Variants in CAMTA1 observed in about 807,000 individuals in gnomAD.
The protein encoded by CAMTA1 is calmodulin-binding transcription activator 1.
Under a neutral mutation model 170.9 loss-of-function variants are expected in CAMTA1, and 27 were observed. The ratio of observed to expected loss-of-function variants is 0.16; its 90% confidence interval spans 0.12 to 0.22. The LOEUF (loss-of-function observed/expected upper bound fraction) is 0.22, where lower values mean the gene tolerates loss of function less well. Ranked by LOEUF, CAMTA1 falls within the 10% of genes least tolerant of loss-of-function variation. CAMTA1 has a pLI of 1.00. For missense variants in CAMTA1, 1,619 were observed against 2,217.2 expected (o/e 0.73, Z 5.42); for synonymous variants, 833 against 891.5 (o/e 0.93, Z 1.17).
intron 4 of CAMTA1, among the ~76,000 whole-genome samples, chr1:7,162,227 G>C (rs1573563172): frequency 6.6e-6 from 1 of 152,202 alleles, no homozygotes; most frequent in East Asian, 1.9e-4. Flanking sequence ...TATAGGTCAT[G>C]GTAGGGAGCT....
chr1:6,890,310 A>G (rs1674232442), intron 3 of CAMTA1, among the ~76,000 whole-genome samples: 1 of 152,194 alleles, frequency 6.6e-6, no homozygotes, highest in Non-Finnish European at 1.5e-5. Flanking sequence ...TTGATATAAG[A>G]AGGGATTACC....
chr1:6,990,667 T>C (rs1696203918), intron 3 of CAMTA1, among the ~76,000 whole-genome samples: 1 of 152,170 alleles, frequency 6.6e-6, no homozygotes, highest in South Asian at 2.1e-4. Context: ...TCTGGTCTCT[T>C]CTTAGTCAAT....
At chr1:6,801,509 A>T (rs1643833019) in intron 1 of CAMTA1, among the ~76,000 whole-genome samples, 2 of 152,162 alleles carry the variant, frequency 1.3e-5, no homozygotes, top group Admixed American at 1.3e-4. Context: ...GAGGGAACAT[A>T]AACACTTGTT....
intron 1 of CAMTA1, among the ~76,000 whole-genome samples, chr1:6,819,487 G>A (rs572738738): frequency 6.6e-6 from 1 of 152,100 alleles, no homozygotes; most frequent in Non-Finnish European, 1.5e-5. Context: ...CGGGTGTTGG[G>A]TTTATTGTTG....
intron 1 of CAMTA1, among the ~76,000 whole-genome samples, chr1:6,813,959 T>A (rs1570353654): frequency 6.6e-6 from 1 of 152,172 alleles, no homozygotes; most frequent in Admixed American, 6.5e-5. Context: ...ATTTTTCCTT[T>A]CCATAAACTT....
intron 3 of CAMTA1, among the ~76,000 whole-genome samples, chr1:6,989,876 T>C (rs886546897): frequency 1.3e-5 from 2 of 151,948 alleles, no homozygotes; most frequent in Non-Finnish European, 2.9e-5. Flanking sequence ...CCTTGGGGGG[T>C]GAGTCCTGGG....
At chr1:7,321,815 G>A (rs1678461947) in intron 5 of CAMTA1, among the ~76,000 whole-genome samples, 1 of 151,988 alleles carries the variant, frequency 6.6e-6, no homozygotes. Flanking sequence ...CCTCCTTCCT[G>A]GTAGCACATG....
intron 5 of CAMTA1, among the ~76,000 whole-genome samples, chr1:7,284,273 G>A (rs1381380353): frequency 1.3e-5 from 2 of 150,348 alleles, no homozygotes; most frequent in East Asian, 3.9e-4. Context: ...GCGTAATCTT[G>A]GCTCACTGCA....
intron 5 of CAMTA1, among the ~76,000 whole-genome samples, chr1:7,337,616 A>ATGTGGGCGGTGGGCCTCATCCAATCACAG (rs2083479597): frequency 9.4e-6 from 1 of 106,134 alleles, no homozygotes; most frequent in African/African-American, 3.6e-5. Flanking sequence ...TCCAATCACA[A>ATGTGGGCGGTGGGCCTCATCCAATCACAG]TGTGGGCGGT....
rs1266352543 is a variant in CAMTA1, at chr1:7,234,158, C to T, written c.303-15333C>T. On this transcript the variant is annotated intron_variant, in intron 4 of 22. Coordinates refer to ENST00000303635, the MANE Select transcript of CAMTA1 (RefSeq NM_015215.4). This position sits in a 1 kb window ranked among gnomAD's most constrained non-coding sequence, Gnocchi z 5.0. ...GGAGCCCAGATTACTTGGGGTGAGC[C>T]GCTCTCTCGCCCCGTCTCCTGCCCC... Among the ~76,000 whole-genome samples, 2 of 152,132 alleles carry T rather than the reference C, an allele frequency of 1.3e-5. No homozygotes were observed. The highest frequency in any genetic ancestry group is 2.4e-5 in the African/African-American group (1 of 41,432).
intron 11 of CAMTA1, among the ~76,000 whole-genome samples, chr1:7,710,906 T>C (rs970245642): frequency 6.6e-6 from 1 of 152,206 alleles, no homozygotes; most frequent in Non-Finnish European, 1.5e-5. Flanking sequence ...TTGGCCCATC[T>C]TGAGTCACGT....
intron 3 of CAMTA1, among the ~76,000 whole-genome samples, chr1:6,957,132 C>T (rs975117571): frequency 1.5e-4 from 23 of 152,182 alleles, no homozygotes; most frequent in African/African-American, 4.3e-4. Context: ...GCTTCAGATG[C>T]GCTCTTTGGG....
chr1:7,630,273 C>G (rs374668254), intron 6 of CAMTA1, among the ~76,000 whole-genome samples: 21 of 152,260 alleles, frequency 1.4e-4, no homozygotes, highest in African/African-American at 4.6e-4. Context: ...CCCTCTGTCC[C>G]CTCTTGAGGT....
chr1:6,853,024 C>G (rs1445669446), intron 3 of CAMTA1: 2 of 149,442 alleles, frequency 1.3e-5, no homozygotes, highest in Non-Finnish European at 3.0e-5. Context: ...AAATGAAGAC[C>G]AAATATATGT....
At chr1:6,982,363 A>T (rs1274925130) in intron 3 of CAMTA1, among the ~76,000 whole-genome samples, 1 of 152,122 alleles carries the variant, frequency 6.6e-6, no homozygotes, top group African/African-American at 2.4e-5. Context: ...AGGAAGTGAC[A>T]TTTCCCTCTC....
rs759159377 is a variant in CAMTA1, at chr1:7,580,060, C to T, written c.511-60340C>T. Among the ~76,000 whole-genome samples, 24 of 152,268 alleles carry T rather than the reference C, an allele frequency of 1.6e-4. No individual in the cohort carries two copies. The highest frequency in any genetic ancestry group is 3.2e-3 in the Middle Eastern group (1 of 316). On this transcript the variant is annotated intron_variant, in intron 6 of 22. Coordinates refer to ENST00000303635, the MANE Select transcript of CAMTA1 (RefSeq NM_015215.4). This position sits in a 1 kb window ranked among gnomAD's most constrained non-coding sequence, Gnocchi z 4.3. ...CTCACAACTCACACATGCATTCTGG[C>T]CTCTGGCCTGTGCCAGGCACACAGC...
chr1:7,198,198 T>A (rs1355245370), intron 4 of CAMTA1, among the ~76,000 whole-genome samples: 1 of 151,932 alleles, frequency 6.6e-6, no homozygotes, highest in Non-Finnish European at 1.5e-5. Flanking sequence ...GAATTGTGCC[T>A]CATTCAAGTG....
chr1:6,833,993 A>G (rs1194397998), intron 3 of CAMTA1, among the ~76,000 whole-genome samples: 2 of 152,086 alleles, frequency 1.3e-5, no homozygotes, highest in Non-Finnish European at 2.9e-5. Flanking sequence ...AGTGTTGGGT[A>G]AGGCACTTAA....
rs1338228728 is a variant in CAMTA1 at position 7,482,117 on chromosome 1, A to G, written c.510+14216A>G. Among the ~76,000 whole-genome samples the G allele has an allele frequency of 6.6e-6, 1 of 151,972 alleles. No homozygotes were observed. On this transcript the variant is annotated intron_variant, in intron 6 of 22. Coordinates refer to ENST00000303635, the MANE Select transcript of CAMTA1 (RefSeq NM_015215.4). This position sits in a 1 kb window ranked among gnomAD's most constrained non-coding sequence, Gnocchi z 4.2. ...GTATATACTTGGCTTCTTTCACTCC[A>G]CATCGTATTTTGCCATTCATCATGT...
Sources: allele counts gnomAD v4.1 joint callset (sites outside exome capture counted in the v4.1 genomes callset), GRCh38; gene constraint gnomAD v4.1.1; non-coding constraint Gnocchi (gnomAD v3.1); transcripts MANE v1.5; gene names NCBI Gene and HGNC (gene_info 2026-07-23, HGNC 2026-07-21).